The following ERN1 variants were observed in gnomAD, a reference collection of about 807,000 sequenced individuals.
ERN1 encodes the protein serine/threonine-protein kinase/endoribonuclease IRE1.
In ERN1, 39 loss-of-function variants were observed where a neutral mutation model predicts 113.1. The observed-to-expected ratio is 0.34, with a 90% CI of 0.27 to 0.45. The LOEUF (loss-of-function observed/expected upper bound fraction) is 0.45, where lower values mean the gene tolerates loss of function less well. ERN1 is among the 20% of genes least tolerant of loss of function. ERN1 has a pLI of 1.00. For synonymous variants in ERN1, 507 were observed against 515.9 expected, an observed-to-expected ratio of 0.98 and a Z score of 0.23; for missense variants, 976 against 1,274.8, an observed-to-expected ratio of 0.77 and a Z score of 3.57.
At chr17:64,073,602 C>T (rs1305468641) in intron 5 of ERN1, among the ~76,000 whole-genome samples, 1 of 152,192 alleles carries the variant, frequency 6.6e-6, no homozygotes, top group East Asian at 1.9e-4. Flanking sequence ...AGCGATACTG[C>T]TGCCTCAGCC....
At position 64,044,029 on chromosome 17, in the gene ERN1, G is replaced by C. The variant is rs745706475; in HGVS notation, c.2893C>G (p.Pro965Ala). Residue 965 changes from proline to alanine, a missense_variant, in exon 22 of 22, where the codon CCC becomes GCC. Pro to Ala is a conservative substitution (Grantham distance 27, BLOSUM62 -1). Coordinates refer to ENST00000433197, the MANE Select transcript of ERN1 (RefSeq NM_001433.5). This position sits in a 1 kb window ranked among gnomAD's most constrained non-coding sequence, Gnocchi z 4.1. ...RLFQPYYFHE[P>A]PEPQPPVTPD... ...GTCACTGGGGGCTGGGGCTCTGGGG[G>C]CTCGTGGAAGTAGTAGGGCTGGAAG... 8 of 1,613,170 alleles carry C rather than the reference G, an allele frequency of 5.0e-6. No homozygotes were observed. The highest frequency in any genetic ancestry group is 6.8e-6 in the Non-Finnish European group (8 of 1,179,682).
intron 1 of ERN1, among the ~76,000 whole-genome samples, chr17:64,112,335 T>C (rs1567885448): frequency 6.7e-6 from 1 of 148,552 alleles, no homozygotes; most frequent in Non-Finnish European, 1.5e-5. Flanking sequence ...ACCATTGCAC[T>C]CCAGCTTGGG....
At chr17:64,051,035 G>C (rs891218920) in intron 17 of ERN1, among the ~76,000 whole-genome samples, 1 of 152,110 alleles carries the variant, frequency 6.6e-6, no homozygotes, top group Non-Finnish European at 1.5e-5. Flanking sequence ...AAGCCAGCTT[G>C]AAGGGGTTTC....
At chr17:64,106,718 A>ACACG (rs1370721563) in intron 1 of ERN1, among the ~76,000 whole-genome samples, 1 of 112,202 alleles carries the variant, frequency 8.9e-6, no homozygotes, top group African/African-American at 4.4e-5. Flanking sequence ...GGTTTCTTAC[A>ACACG]CACACACACA....
chr17:64,060,483 T>C lies in ERN1; in HGVS notation c.1192A>G (p.Lys398Glu). 6.2e-7 allele frequency: 1 copy of C among 1,613,136 alleles called. No individual in the cohort carries two copies. The highest frequency in any genetic ancestry group is 8.5e-7 in the Non-Finnish European group (1 of 1,179,080). ...TCCTCACTCACTTCCTCAAAGCTCT[T>C]TTTCTCTGAATCAGCAGGAATCACA... ...ENVIPADSEKKSFEEVINLVD... is the reference protein window; with the variant it reads ...ENVIPADSEKESFEEVINLVD... Residue 398 changes from lysine (K) to glutamate (E), a missense_variant, in exon 11 of 22, where the codon AAG becomes GAG. Around this residue, in one of 5 missense-constraint regions of ERN1, gnomAD observed 459 missense variants for 581.2 expected, o/e 0.79. Coordinates refer to ENST00000433197, the MANE Select transcript of ERN1 (RefSeq NM_001433.5).
intron 1 of ERN1, among the ~76,000 whole-genome samples, chr17:64,108,168 T>A (rs987219431): frequency 2.0e-5 from 3 of 151,968 alleles, no homozygotes; most frequent in African/African-American, 7.3e-5. Context: ...GGACTCTTCT[T>A]CAGTTTAGGC....
chr17:64,040,821 T>C lies in ERN1; in HGVS notation c.*3167A>G, dbSNP rs1912313561. On this transcript the variant is annotated 3_prime_UTR_variant, in exon 22 of 22. Transcript: ENST00000433197. ...CCAGTGTTCCCCAGGTGAAAATGTTTTGGTGCCTAATGACTTGTGGAGCAC... is the reference window on the plus strand; with the variant it reads ...CCAGTGTTCCCCAGGTGAAAATGTTCTGGTGCCTAATGACTTGTGGAGCAC... 6.6e-6 allele frequency: 1 copy of C among 152,196 alleles called. No individual in the cohort carries two copies. The highest frequency in any genetic ancestry group is 2.4e-5 in the African/African-American group (1 of 41,442). 9.4% of individuals were successfully genotyped at this position (152,196 alleles called of 1,614,324 possible).
intron 5 of ERN1, among the ~76,000 whole-genome samples, chr17:64,073,981 G>A (rs536993854): frequency 6.6e-6 from 1 of 152,316 alleles, no homozygotes; most frequent in South Asian, 2.1e-4. Flanking sequence ...AGTTCTAACA[G>A]ATGTTGCATA....
chr17:64,107,103 C>G (rs919433082), intron 1 of ERN1, among the ~76,000 whole-genome samples: 16 of 152,108 alleles, frequency 1.1e-4, no homozygotes, highest in Middle Eastern at 3.4e-3. Flanking sequence ...CGATCATGGC[C>G]AAAAAGACAT....
In ERN1 at chr17:64,054,367, C is replaced by T. The variant is rs1912784889; in HGVS notation, c.1836G>A (p.Glu612=). 4 of 1,609,956 alleles carry T rather than the reference C, an allele frequency of 2.5e-6. No individual in the cohort carries two copies. The highest frequency in any genetic ancestry group is 1.7e-5 in the Admixed American group (1 of 59,502). The change falls in exon 15 of 22, where the codon GAG becomes GAA. Residue 612 remains glutamate, a synonymous_variant. Transcript: ENST00000433197. The surrounding 1 kb of genome is among the most constrained non-coding windows in gnomAD (Gnocchi z 4.9). Reference sequence around the variant, plus strand: ...CATCCGATTCTCGCAACAGCTGGACCTCACGGTCTGCGAAGCTAAAACACT... The same window carrying T: ...CATCCGATTCTCGCAACAGCTGGACTTCACGGTCTGCGAAGCTAAAACACT... ...LPECFSFADR[E]VQLLRESDEH...
chr17:64,096,810 C>G (rs988803154), intron 2 of ERN1, among the ~76,000 whole-genome samples: 1 of 152,154 alleles, frequency 6.6e-6, no homozygotes, highest in Non-Finnish European at 1.5e-5. Context: ...GAAATGAAGA[C>G]TTGGAAAAAA....
intron 1 of ERN1, among the ~76,000 whole-genome samples, chr17:64,108,817 T>C (rs1914597974): frequency 6.6e-6 from 1 of 152,148 alleles, no homozygotes; most frequent in East Asian, 1.9e-4. Flanking sequence ...TCATATGCAG[T>C]TAAACCTACT....
chr17:64,125,541 T>C (rs1178262665), intron 1 of ERN1, among the ~76,000 whole-genome samples: 1 of 152,208 alleles, frequency 6.6e-6, no homozygotes, highest in African/African-American at 2.4e-5. Context: ...AAGGCTGCAG[T>C]GCAGTGGTGT....
intron 1 of ERN1, among the ~76,000 whole-genome samples, chr17:64,127,382 A>G (rs937171316): frequency 2.0e-5 from 3 of 152,248 alleles, no homozygotes; most frequent in African/African-American, 7.2e-5. Context: ...TTTATTATCT[A>G]TTAAGCACGT....
chr17:64,110,715 T>C (rs993059678), intron 1 of ERN1, among the ~76,000 whole-genome samples: 2 of 152,244 alleles, frequency 1.3e-5, no homozygotes, highest in African/African-American at 4.8e-5. Context: ...ATTCTGATAC[T>C]GACTTTTTCA....
chr17:64,121,766 C>G (rs781200463), intron 1 of ERN1, among the ~76,000 whole-genome samples: 2 of 152,188 alleles, frequency 1.3e-5, no homozygotes, highest in African/African-American at 2.4e-5. Flanking sequence ...GAATTACAGG[C>G]GTGAGCCACT....
At chr17:64,047,748 C>A (rs1912555365) in intron 19 of ERN1, 110 bp downstream of exon 19, 2 of 909,272 alleles carry the variant, frequency 2.2e-6, no homozygotes, top group Non-Finnish European at 3.2e-6. Flanking sequence ...TGATTATCTT[C>A]CAGTTTTAGG....
At chr17:64,077,748 T>C (rs1465573350) in intron 4 of ERN1, among the ~76,000 whole-genome samples, 2 of 146,308 alleles carry the variant, frequency 1.4e-5, no homozygotes, top group African/African-American at 5.1e-5. Flanking sequence ...GTGCATTTCT[T>C]CTTTTTTTTT....
chr17:64,119,176 G>GT (rs1914885588), intron 1 of ERN1, among the ~76,000 whole-genome samples: 4 of 151,806 alleles, frequency 2.6e-5, no homozygotes, highest in Admixed American at 2.6e-4. Context: ...CATAAGTCGG[G>GT]TAACTTTAAA....
Sources: gnomAD v4.1 joint callset for allele counts (sites outside exome capture counted in the v4.1 genomes callset) on GRCh38, gnomAD v4.1.1 for gene constraint, gnomAD v4.1.1 regional missense constraint, Gnocchi (gnomAD v3.1) non-coding constraint, MANE v1.5 for transcripts, NCBI Gene and HGNC (gene_info 2026-07-23, HGNC 2026-07-21) for gene names.